Variants in RFFL observed in about 807,000 individuals in gnomAD.
The protein encoded by RFFL is ring finger and FYVE like domain containing E3 ubiquitin protein ligase.
A neutral mutation model predicts 40.4 loss-of-function variants in RFFL; 16 were observed. The ratio of observed to expected loss-of-function variants is 0.40; its 90% confidence interval spans 0.27 to 0.60. RFFL has a LOEUF of 0.60. Among genes scored for constraint, RFFL ranks in the 20% least tolerant of loss-of-function variants. The probability of loss-of-function intolerance (pLI) is 0.47; values close to 1 mark genes in which losing one functional copy is unlikely to be tolerated. For synonymous variants in RFFL, 154 were observed against 167.9 expected, an observed-to-expected ratio of 0.92 and a Z score of 0.64; for missense variants, 367 against 451.7, an observed-to-expected ratio of 0.81 and a Z score of 1.70.
At chr17:35,070,132 G>C (rs2091340265) in intron 1 of RFFL, among the ~76,000 whole-genome samples, 1 of 151,678 alleles carries the variant, frequency 6.6e-6, no homozygotes. Context: ...TTCCTAGTAG[G>C]GATGGGGGTC....
intron 1 of RFFL, among the ~76,000 whole-genome samples, chr17:35,079,174 C>G (rs1396673191): frequency 6.6e-6 from 1 of 152,090 alleles, no homozygotes; most frequent in Non-Finnish European, 1.5e-5. Context: ...AGGCACGCAC[C>G]ACCATGCCTG....
At chr17:35,072,274 C>T (rs1243939538) in intron 1 of RFFL, among the ~76,000 whole-genome samples, 1 of 141,904 alleles carries the variant, frequency 7.0e-6, no homozygotes, top group African/African-American at 2.7e-5. Context: ...GAGCCAGACA[C>T]TGTCTCAAAA....
In RFFL at chr17:35,009,077, T is replaced by TATCA. The variant is rs1375129421; in HGVS notation, c.*2887_*2890dup. ...CACTGTCAGGCTCTTTTGTCAGTCC[T>TATCA]ATCAACCTCTAACATCCTCGCACCA... On this transcript the variant is annotated 3_prime_UTR_variant, in exon 7 of 7. Transcript: ENST00000394597. The TATCA allele has an allele frequency of 1.3e-5, 2 of 152,810 alleles. No individual in the cohort carries two copies. The highest frequency in any genetic ancestry group is 1.9e-4 in the East Asian group (1 of 5,194). 9.5% of individuals were successfully genotyped at this position (152,810 alleles called of 1,614,324 possible).
intron 1 of RFFL, among the ~76,000 whole-genome samples, chr17:35,073,561 T>C (rs538120884): frequency 6.6e-6 from 1 of 152,224 alleles, no homozygotes; most frequent in East Asian, 1.9e-4. Flanking sequence ...ACTTCATATG[T>C]AGTGAAGGCA....
upstream of RFFL, among the ~76,000 whole-genome samples, chr17:35,065,426 C>T (rs2091315395): frequency 1.3e-5 from 2 of 152,106 alleles, no homozygotes; most frequent in African/African-American, 4.8e-5. Flanking sequence ...TGTGGTGGCA[C>T]ATGCCTGTAA....
At chr17:35,080,688 G>C (rs956553670) in intron 1 of RFFL, among the ~76,000 whole-genome samples, 1 of 152,144 alleles carries the variant, frequency 6.6e-6, no homozygotes, top group African/African-American at 2.4e-5. Context: ...CTAACTTCCT[G>C]TAAGTTTCAA....
At chr17:35,018,426 A>G (rs2090988097) in intron 3 of RFFL, among the ~76,000 whole-genome samples, 1 of 152,236 alleles carries the variant, frequency 6.6e-6, no homozygotes, top group Non-Finnish European at 1.5e-5. Flanking sequence ...CAGAACTGTT[A>G]GCCTCCTAAT....
intron 1 of RFFL, among the ~76,000 whole-genome samples, chr17:35,078,643 C>G (rs1297937254): frequency 6.6e-6 from 1 of 152,162 alleles, no homozygotes; most frequent in African/African-American, 2.4e-5. Context: ...ATGTGTAATA[C>G]ATAACAGCAA....
chr17:35,022,102 C>T (rs2091012663), intron 2 of RFFL, among the ~76,000 whole-genome samples: 1 of 152,212 alleles, frequency 6.6e-6, no homozygotes. Flanking sequence ...AATCAAAAAG[C>T]TCTGCATTTT....
intron 1 of RFFL, among the ~76,000 whole-genome samples, chr17:35,048,131 G>A (rs994479485): frequency 6.6e-6 from 1 of 152,002 alleles, no homozygotes; most frequent in Non-Finnish European, 1.5e-5. Flanking sequence ...GGCCGGGCAC[G>A]GTGGCTCATG....
upstream of RFFL, among the ~76,000 whole-genome samples, chr17:35,067,748 C>T (rs554035211): frequency 6.6e-6 from 1 of 152,292 alleles, no homozygotes; most frequent in Non-Finnish European, 1.5e-5. Flanking sequence ...AGCCACTGCG[C>T]CCGGCCTTCC....
At chr17:35,019,791 T>C (rs1455522194) in intron 3 of RFFL, among the ~76,000 whole-genome samples, 2 of 151,650 alleles carry the variant, frequency 1.3e-5, no homozygotes, top group East Asian at 3.9e-4. Flanking sequence ...TAAATCTGTC[T>C]AGCAGACCAA....
intron 1 of RFFL, among the ~76,000 whole-genome samples, chr17:35,057,134 G>A (rs1311907080): frequency 2.0e-5 from 3 of 151,836 alleles, no homozygotes; most frequent in Non-Finnish European, 4.4e-5. Context: ...GACCAGGCTG[G>A]TCTCAAACTC....
chr17:35,016,683 C>T (rs1221042649), intron 4 of RFFL, 103 bp from the exon 5 acceptor site: 2 of 854,400 alleles, frequency 2.3e-6, no homozygotes, highest in Non-Finnish European at 3.8e-6. Context: ...TGGTGACTGA[C>T]CTCATGAAGG....
chr17:35,062,383 A>G lies in RFFL; in HGVS notation c.-9+1193T>C, dbSNP rs540985988. 4.1e-4 allele frequency among the ~76,000 whole-genome samples: 62 copies of G among 152,220 alleles called. 1 individual carries two copies. In the South Asian group the frequency reaches 0.012, roughly 29 times the overall value. ...ACACCACTGCACTGCAGCCTGGGTG[A>G]CAGAGCAAGATTCCTCTCAGAAGAA... On this transcript the variant is annotated intron_variant, in intron 1 of 6. Transcript: ENST00000394597.
intron 1 of RFFL, among the ~76,000 whole-genome samples, chr17:35,076,075 T>C (rs189043646): frequency 4.4e-5 from 6 of 136,728 alleles, no homozygotes; most frequent in Admixed American, 3.9e-4. Flanking sequence ...CTCACTGCAA[T>C]CTCCACCTCC....
chr17:35,062,740 A>G (rs2091300098), intron 1 of RFFL, among the ~76,000 whole-genome samples: 1 of 152,182 alleles, frequency 6.6e-6, no homozygotes, highest in African/African-American at 2.4e-5. Context: ...TTGGAATTAT[A>G]AGGAGCAGAA....
chr17:35,033,037 GATAA>G (rs2091096086), intron 1 of RFFL, among the ~76,000 whole-genome samples: 1 of 152,028 alleles, frequency 6.6e-6, no homozygotes, highest in Non-Finnish European at 1.5e-5. Context: ...CAATTCCAAG[GATAA>G]ATTATTATTT....
At chr17:35,077,800 C>A (rs1426207122) in intron 1 of RFFL, among the ~76,000 whole-genome samples, 1 of 152,190 alleles carries the variant, frequency 6.6e-6, no homozygotes, top group Non-Finnish European at 1.5e-5. Flanking sequence ...TTATGTGTGG[C>A]CCAAGACAAT....
Sources: gnomAD v4.1 joint callset for allele counts (sites outside exome capture counted in the v4.1 genomes callset) on GRCh38, gnomAD v4.1.1 for gene constraint, MANE v1.5 for transcripts, NCBI Gene and HGNC (gene_info 2026-07-23, HGNC 2026-07-21) for gene names.